Variants in CELSR3 observed in about 807,000 individuals in gnomAD.
CELSR3 encodes EGF-like protein 1.
CELSR3 carries 73 observed loss-of-function variants against 270.0 expected under a neutral mutation model. The observed-to-expected ratio is 0.27, with a 90% CI of 0.22 to 0.33. The LOEUF is 0.33. Among genes scored for constraint, CELSR3 ranks in the 10% least tolerant of loss-of-function variants. The pLI, the probability that CELSR3 is intolerant of heterozygous loss-of-function variation, is 1.00. For synonymous variants in CELSR3, 1,780 were observed against 1,905.4 expected (o/e 0.93, Z 1.71); for missense variants, 3,614 against 4,533.8 (o/e 0.80, Z 5.83).
At position 48,661,789 on chromosome 3, in the gene CELSR3, G is replaced by C. The variant is rs757157522; in HGVS notation, c.846C>G (p.Phe282Leu). 1 of 1,606,146 alleles carries C rather than the reference G, an allele frequency of 6.2e-7. No homozygotes were observed. Among genetic ancestry groups the C allele is most frequent in the Non-Finnish European group, 8.5e-7 (1 of 1,177,908 alleles). Residue 282 changes from phenylalanine (F) to leucine (L), a missense_variant, in exon 1 of 35, where the codon TTC becomes TTG. Phe to Leu is a conservative substitution (Grantham distance 22). This residue lies in a region of CELSR3 where 470 missense variants were observed against 469.7 expected (regional missense o/e 1.00). Transcript: ENST00000164024. ...APKRMRSRGL[F>L]RCRFLPQRPG... ...GGCGCTGCGGGAGGAAGCGGCAGCG[G>C]AAGAGACCCCGGGAGCGCATGCGCT... is the stretch of plus-strand genomic sequence containing the variant.
Position 48,657,429 on chromosome 3 carries a change from G to T in CELSR3, c.3749-81C>A. The T allele has an allele frequency of 7.2e-7, 1 of 1,396,784 alleles. No individual in the cohort carries two copies. The allele number at this position is 1,396,784 out of a possible 1,614,324, so 86.5% of individuals were successfully genotyped here. A position where few individuals can be genotyped will look rare whatever the true frequency, so the allele number is the denominator to read the frequency against. The stretch of plus-strand genomic sequence containing the variant: ...GGGACACAAGAGGGCTGGGGCCAGC[G>T]ATAGCCTAGGCCCCCAGAACCTCTA... On this transcript the variant is annotated intron_variant, in intron 1 of 34. Coordinates refer to ENST00000164024, the MANE Select transcript of CELSR3 (RefSeq NM_001407.3). The surrounding 1 kb of genome is among the most constrained non-coding windows in gnomAD (Gnocchi z 5.4).
chr3:48,652,434 C>A lies in CELSR3; in HGVS notation c.5751+3G>T. ...CATATCACATTCCCATGCTGACCCC[C>A]ACCTGGATGCAGCCAACCAGACCCT... is the stretch of plus-strand genomic sequence containing the variant. On this transcript the variant is annotated splice_donor_region_variant and intron_variant, in intron 11 of 34. Coordinates refer to ENST00000164024, the MANE Select transcript of CELSR3 (RefSeq NM_001407.3). The surrounding 1 kb of genome is among the most constrained non-coding windows in gnomAD (Gnocchi z 4.3). 2 of 1,607,870 alleles carry A rather than the reference C, an allele frequency of 1.2e-6. No homozygotes were observed. The highest frequency in any genetic ancestry group is 1.7e-6 in the Non-Finnish European group (2 of 1,174,506).
Position 48,655,845 on chromosome 3 carries a change from C to A in CELSR3, c.4632G>T (p.Ala1544=). 1 of 1,418,714 alleles carries A rather than the reference C, an allele frequency of 7.0e-7. No homozygotes were observed. The highest frequency in any genetic ancestry group is 9.8e-7 in the Non-Finnish European group (1 of 1,021,474). The allele number at this position is 1,418,714 out of a possible 1,614,324, so 87.9% of individuals were successfully genotyped here. A position where few individuals can be genotyped will look rare whatever the true frequency, so the allele number is the denominator to read the frequency against. ...AGAGCAGCCCGCTCTGCTGCACTGT[C>A]GCGAACCTGGGCGGGGTGGGAGGGG... ...RFHLTLSLSF[A]TVQQSGLLFY... The change falls in exon 4 of 35, where the codon GCG becomes GCT. Residue 1544 remains alanine (A), a synonymous_variant. Coordinates refer to ENST00000164024, the MANE Select transcript of CELSR3 (RefSeq NM_001407.3). This position sits in a 1 kb window ranked among gnomAD's most constrained non-coding sequence, Gnocchi z 5.8.
In CELSR3 at chr3:48,655,746, T is replaced by C. The variant is rs1311331022; in HGVS notation, c.4731A>G (p.Thr1577=). 6 of 1,613,354 alleles carry C rather than the reference T, an allele frequency of 3.7e-6. No individual in the cohort carries two copies. The highest frequency in any genetic ancestry group is 5.1e-6 in the Non-Finnish European group (6 of 1,179,816). The change falls in exon 4 of 35, where the codon ACA becomes ACG. Residue 1577 remains threonine (T), a synonymous_variant. Coordinates refer to ENST00000164024, the MANE Select transcript of CELSR3 (RefSeq NM_001407.3). The surrounding 1 kb of genome is among the most constrained non-coding windows in gnomAD (Gnocchi z 5.8). ...LELVAGQVRL[T]YSTGESNTVV... The stretch of plus-strand genomic sequence containing the variant: ...ATCCGGGGCACCCACCCGTGGAATA[T>C]GTGAGCCGCACTTGGCCAGCCACGA...
In CELSR3 at chr3:48,655,996, C is replaced by T; in HGVS notation, c.4625+144G>A. The T allele has an allele frequency of 8.9e-7, 1 of 1,120,774 alleles. No homozygotes were observed. 69.4% of individuals were successfully genotyped at this position (1,120,774 alleles called of 1,614,324 possible). A position where few individuals can be genotyped will look rare whatever the true frequency, so the allele number is the denominator to read the frequency against. ...GGGACCGACCGGGGGGACGCGGGTG[C>T]AGCGAGGTCAGGAGACCCCGGGCGG... On this transcript the variant is annotated intron_variant, in intron 3 of 34. Transcript: ENST00000164024. The surrounding 1 kb of genome is among the most constrained non-coding windows in gnomAD (Gnocchi z 5.8).
rs1328770121 is a variant in CELSR3, at chr3:48,654,349, G to A, written c.5092C>T (p.His1698Tyr). 1.2e-6 allele frequency: 2 copies of A among 1,614,082 alleles called. No homozygotes were observed. The highest frequency in any genetic ancestry group is 1.7e-5 in the Admixed American group (1 of 60,026). The change falls in exon 7 of 35, where the codon CAC becomes TAC. Residue 1698 changes from histidine (H) to tyrosine (Y), a missense_variant. By Grantham distance (83) the His-to-Tyr change is moderately conservative. This residue lies in a region of CELSR3 where 1,331 missense variants were observed against 1,933.7 expected (regional missense o/e 0.69). Coordinates refer to ENST00000164024, the MANE Select transcript of CELSR3 (RefSeq NM_001407.3). This position sits in a 1 kb window ranked among gnomAD's most constrained non-coding sequence, Gnocchi z 5.4. ...ATGTCCACTCGGCGGCCATCAATGT[G>A]CAGGTCCCGCATACAGCCGATGAAG... ...KDFIGCMRDL[H>Y]IDGRRVDMAA...
Position 48,657,001 on chromosome 3 carries a change from G to C in CELSR3, c.4096C>G (p.Arg1366Gly), listed in dbSNP as rs755218848. Reference sequence around the variant, plus strand: ...AAGGGCAGTACGTCGAGCAGGGAGCGAGCCGCCAGCGCCGCCCGGCGCACG... The same window carrying C: ...AAGGGCAGTACGTCGAGCAGGGAGCCAGCCGCCAGCGCCGCCCGGCGCACG... ...LYVRRAALAA[R>G]SLLDVLPFDD... Residue 1366 changes from arginine (R) to glycine (G), a missense_variant, in exon 2 of 35, where the codon CGC becomes GGC. Around this residue, in one of 7 missense-constraint regions of CELSR3, gnomAD observed 1,331 missense variants for 1,933.7 expected, o/e 0.69. Transcript: ENST00000164024. This position sits in a 1 kb window ranked among gnomAD's most constrained non-coding sequence, Gnocchi z 5.4. 6.2e-7 allele frequency: 1 copy of C among 1,612,910 alleles called. No individual in the cohort carries two copies. The highest frequency in any genetic ancestry group is 8.5e-7 in the Non-Finnish European group (1 of 1,179,582).
rs1222331226 is a variant in CELSR3, at chr3:48,650,559, C to T, written c.6393G>A (p.Lys2131=). ...GCRVLYDACP[K]SLRSGVWWPQ... ...GCCACCACACACCAGATCTCAGGGA[C>T]TTAGGGCAGGCATCATAGAGCACTA... The change falls in exon 16 of 35, where the codon AAG becomes AAA. Residue 2131 remains lysine, a synonymous_variant. Transcript: ENST00000164024. The surrounding 1 kb of genome is among the most constrained non-coding windows in gnomAD (Gnocchi z 5.1). 6.2e-7 allele frequency: 1 copy of T among 1,604,952 alleles called. No homozygotes were observed. Among genetic ancestry groups the T allele is most frequent in the South Asian group, 1.1e-5 (1 of 89,934 alleles).
In CELSR3 at chr3:48,653,272, G is replaced by A; in HGVS notation, c.5449-85C>T. 6 of 1,265,082 alleles carry A rather than the reference G, an allele frequency of 4.7e-6. No individual in the cohort carries two copies. The highest frequency in any genetic ancestry group is 6.7e-6 in the Non-Finnish European group (6 of 890,212). 78.4% of individuals were successfully genotyped at this position (1,265,082 alleles called of 1,614,324 possible). On this transcript the variant is annotated intron_variant, in intron 9 of 34. Transcript: ENST00000164024. The surrounding 1 kb of genome is among the most constrained non-coding windows in gnomAD (Gnocchi z 6.5). ...TGAGATCAGAGGGCTCAGAGGTCAG[G>A]AATATCAGAGGTCAGAACAGTGGGG...
rs776094340 is a variant in CELSR3 at position 48,653,751 on chromosome 3, T to C, written c.5316A>G (p.Thr1772=). 4.2e-5 allele frequency: 68 copies of C among 1,614,092 alleles called. No homozygotes were observed. Among genetic ancestry groups the C allele is most frequent in the Non-Finnish European group, 5.5e-5 (65 of 1,180,040 alleles). ...TGTCACTTCCAAAGTTCCAGCTCAG[T>C]GTGCCGTTGCCACGGAAATGGTGGG... ...AHPHHFRGNG[T]LSWNFGSDMA... is the part of the protein sequence containing the mutation. Residue 1772 remains threonine (T), a synonymous_variant, in exon 9 of 35, where the codon ACA becomes ACG. Transcript: ENST00000164024. This position sits in a 1 kb window ranked among gnomAD's most constrained non-coding sequence, Gnocchi z 6.5.
In CELSR3 at chr3:48,639,179, A is replaced by G. The variant is rs2047000100; in HGVS notation, c.9911+495T>C. Among the ~76,000 whole-genome samples, 1 of 152,214 alleles carries G rather than the reference A, an allele frequency of 6.6e-6. No homozygotes were observed. The highest frequency in any genetic ancestry group is 1.5e-5 in the Non-Finnish European group (1 of 68,040). ...AGTGTCCACAGACAGGAGGAACTCA[A>G]TGTTGACTGAATACATCGATGAATG... On this transcript the variant is annotated intron_variant, in intron 34 of 34. Transcript: ENST00000164024. This position sits in a 1 kb window ranked among gnomAD's most constrained non-coding sequence, Gnocchi z 4.1.
chr3:48,659,124 T>C lies in CELSR3; in HGVS notation c.3511A>G (p.Asn1171Asp). 6.2e-7 allele frequency: 1 copy of C among 1,614,196 alleles called. No individual in the cohort carries two copies. ...DQNDNSPVLN[N>D]FQILFNNYVS... Reference sequence around the variant, plus strand: ...TAGTTGTTGAAGAGGATCTGGAAGTTGTTGAGCACAGGGCTGTTGTCATTC... The same window carrying C: ...TAGTTGTTGAAGAGGATCTGGAAGTCGTTGAGCACAGGGCTGTTGTCATTC... Residue 1171 changes from asparagine to aspartate, a missense_variant, in exon 1 of 35, where the codon AAC becomes GAC. By Grantham distance (23) the Asn-to-Asp change is conservative. This residue lies in a region of CELSR3 where 1,331 missense variants were observed against 1,933.7 expected (regional missense o/e 0.69). Coordinates refer to ENST00000164024, the MANE Select transcript of CELSR3 (RefSeq NM_001407.3). The surrounding 1 kb of genome is among the most constrained non-coding windows in gnomAD (Gnocchi z 8.1).
Position 48,660,093 on chromosome 3 carries a change from T to A in CELSR3, c.2542A>T (p.Ile848Phe), listed in dbSNP as rs2106722023. The part of the protein sequence containing the change: ...LHDHCYVHIN[I>F]TDANTHRPVF... The stretch of plus-strand genomic sequence containing the variant: ...GGCCGATGAGTGTTGGCATCTGTGA[T>A]GTTGATGTGCACATAGCAGTGATCA... The change falls in exon 1 of 35, where the codon ATC (isoleucine) becomes TTC (phenylalanine). Residue 848 changes from isoleucine (I) to phenylalanine (F), a missense_variant. Coordinates refer to ENST00000164024, the MANE Select transcript of CELSR3 (RefSeq NM_001407.3). The surrounding 1 kb of genome is among the most constrained non-coding windows in gnomAD (Gnocchi z 5.5). 1 of 1,614,168 alleles carries A rather than the reference T, an allele frequency of 6.2e-7. No individual in the cohort carries two copies. Among genetic ancestry groups the A allele is most frequent in the East Asian group, 2.2e-5 (1 of 44,888 alleles).
At position 48,652,992 on chromosome 3, in the gene CELSR3, G is replaced by C; in HGVS notation, c.5634+10C>G. 6.2e-7 allele frequency: 1 copy of C among 1,611,950 alleles called. No homozygotes were observed. The highest frequency in any genetic ancestry group is 1.7e-5 in the Admixed American group (1 of 59,978). On this transcript the variant is annotated intron_variant, in intron 10 of 34. Coordinates refer to ENST00000164024, the MANE Select transcript of CELSR3 (RefSeq NM_001407.3). The surrounding 1 kb of genome is among the most constrained non-coding windows in gnomAD (Gnocchi z 4.3). ...CTGAGAACAGACTACCCCGGGGTCA[G>C]AGGCCAGACCTGGAAGAGGCTAAAG...
At position 48,646,317 on chromosome 3, in the gene CELSR3, C is replaced by A; in HGVS notation, c.7296-60G>T. On this transcript the variant is annotated intron_variant, in intron 21 of 34. Transcript: ENST00000164024. This position sits in a 1 kb window ranked among gnomAD's most constrained non-coding sequence, Gnocchi z 4.8. ...GACCTCCCCATGCTCAGCCTGCTTG[C>A]CTCACCCCGTCTTCATGCCACTCGC... 1 of 1,526,758 alleles carries A rather than the reference C, an allele frequency of 6.5e-7. No individual in the cohort carries two copies. Among genetic ancestry groups the A allele is most frequent in the South Asian group, 1.2e-5 (1 of 80,932 alleles). 94.6% of individuals were successfully genotyped at this position (1,526,758 alleles called of 1,614,324 possible).
At position 48,650,433 on chromosome 3, in the gene CELSR3, A is replaced by AGGGGGGGGGGG; in HGVS notation, c.6472+46_6472+47insCCCCCCCCCCC. On this transcript the variant is annotated intron_variant, in intron 16 of 34. Transcript: ENST00000164024. The surrounding 1 kb of genome is among the most constrained non-coding windows in gnomAD (Gnocchi z 5.1). ...GACATGGCTCTAGCAGTCAGAGTAC[A>AGGGGGGGGGGG]GGCCCACCCCCACCCTCAGTGATGT... is the stretch of plus-strand genomic sequence containing the variant. The AGGGGGGGGGGG allele has an allele frequency of 2.5e-5, 23 of 927,778 alleles. No homozygotes were observed. Among genetic ancestry groups the AGGGGGGGGGGG allele is most frequent in the East Asian group, 9.6e-5 (3 of 31,406 alleles). The allele number at this position is 927,778 out of a possible 1,614,324, so 57.5% of individuals were successfully genotyped here. A position where few individuals can be genotyped will look rare whatever the true frequency, so the allele number is the denominator to read the frequency against.
Position 48,654,100 on chromosome 3 carries a change from A to T in CELSR3, c.5153-97T>A. 1 of 1,541,048 alleles carries T rather than the reference A, an allele frequency of 6.5e-7. No individual in the cohort carries two copies. On this transcript the variant is annotated intron_variant, in intron 7 of 34. Coordinates refer to ENST00000164024, the MANE Select transcript of CELSR3 (RefSeq NM_001407.3). This position sits in a 1 kb window ranked among gnomAD's most constrained non-coding sequence, Gnocchi z 5.4. The stretch of plus-strand genomic sequence containing the variant: ...TGTCCAGAGGGGCTGAAAGAGACCA[A>T]GATCTCAGCCCCATTTCCCATTTTC...
Position 48,657,336 on chromosome 3 carries a change from C to A in CELSR3, c.3761G>T (p.Ser1254Ile). 1 of 1,597,232 alleles carries A rather than the reference C, an allele frequency of 6.3e-7. No homozygotes were observed. Residue 1254 changes from serine to isoleucine, a missense_variant, in exon 2 of 35, where the codon AGC (serine) becomes ATC (isoleucine). Ser to Ile is a moderately radical substitution (Grantham distance 142). Around this residue, in one of 7 missense-constraint regions of CELSR3, gnomAD observed 1,331 missense variants for 1,933.7 expected, o/e 0.69. Transcript: ENST00000164024. The surrounding 1 kb of genome is among the most constrained non-coding windows in gnomAD (Gnocchi z 5.4). Reference protein sequence around the residue: ...MLVTVTDGLHSVTAQCVLRVV... With the variant: ...MLVTVTDGLHIVTAQCVLRVV... ...GCGCAGCACACACTGCGCCGTCACG[C>A]TGTGCAGGCCATCTGCAGGCGGGGG...
intron 34 of CELSR3, 106 bp from the exon 35 acceptor site, chr3:48,638,338 C>G: frequency 1.2e-6 from 1 of 813,258 alleles, no homozygotes; most frequent in Non-Finnish European, 2.2e-6. Context: ...TTGCCTCCAC[C>G]ACTGCTCTCG....
Sources: gnomAD v4.1 joint callset for allele counts (sites outside exome capture counted in the v4.1 genomes callset) on GRCh38, gnomAD v4.1.1 for gene constraint, gnomAD v4.1.1 regional missense constraint, Gnocchi (gnomAD v3.1) non-coding constraint, MANE v1.5 for transcripts, NCBI Gene and HGNC (gene_info 2026-07-23, HGNC 2026-07-21) for gene names.